EYS: variants seen among roughly 807,000 people sequenced by gnomAD.
EYS encodes EGF-like photoreceptor maintenance factor, also known as protein eyes shut homolog.
Under a neutral mutation model 282.1 loss-of-function variants are expected in EYS, and 250 were observed. That is an observed-to-expected ratio of 0.89 (90% confidence interval 0.80 to 0.98). The LOEUF is 0.98. Ranked by LOEUF, EYS falls within the 50% of genes least tolerant of loss-of-function variation. The pLI, the probability that EYS is intolerant of heterozygous loss-of-function variation, is 0.00. For synonymous variants in EYS, 1,355 were observed against 1,282.9 expected, an observed-to-expected ratio of 1.06 and a Z score of -1.20; for missense variants, 4,016 against 3,709.0, an observed-to-expected ratio of 1.08 and a Z score of -2.15.
At chr6:65,424,982 G>A (rs987427919) in intron 5 of EYS, among the ~76,000 whole-genome samples, 1 of 151,772 alleles carries the variant, frequency 6.6e-6, no homozygotes, top group Non-Finnish European at 1.5e-5. Flanking sequence ...TGTGTCTAAG[G>A]GTGTTATTGC....
At chr6:65,068,205 A>C (rs1020864835) in intron 12 of EYS, among the ~76,000 whole-genome samples, 1 of 152,124 alleles carries the variant, frequency 6.6e-6, no homozygotes. Flanking sequence ...CATCCATGAA[A>C]TCAGTGCATT....
intron 15 of EYS, among the ~76,000 whole-genome samples, chr6:64,943,859 G>A (rs1207988590): frequency 2.6e-5 from 4 of 152,014 alleles, no homozygotes; most frequent in East Asian, 1.9e-4. Context: ...ATACTAAAAT[G>A]TACGTAGAGT....
intron 16 of EYS, among the ~76,000 whole-genome samples, chr6:64,904,153 T>C (rs989103879): frequency 2.6e-5 from 4 of 152,202 alleles, no homozygotes; most frequent in African/African-American, 9.6e-5. Flanking sequence ...AAAGATGGAA[T>C]GATCACACAC....
At chr6:65,108,110 A>G (rs1775098235) in intron 12 of EYS, among the ~76,000 whole-genome samples, 1 of 152,022 alleles carries the variant, frequency 6.6e-6, no homozygotes, top group Non-Finnish European at 1.5e-5. Flanking sequence ...TTCTTTACTG[A>G]ATATATGTAT....
At chr6:64,019,212 C>G (rs1769055748) in intron 33 of EYS, among the ~76,000 whole-genome samples, 1 of 152,118 alleles carries the variant, frequency 6.6e-6, no homozygotes, top group East Asian at 1.9e-4. Context: ...CCTCAGTTGG[C>G]AGACGCTGGA....
At position 64,813,546 on chromosome 6, in the gene EYS, C is replaced by T. The variant is rs1055321734; in HGVS notation, c.3275G>A (p.Gly1092Asp). The change falls in exon 22 of 43, where the codon GGC becomes GAC. Residue 1092 changes from glycine (G) to aspartate (D), a missense_variant. Physicochemically the swap from Gly to Asp is moderately conservative, Grantham distance 94 (BLOSUM62 -1). Coordinates refer to ENST00000503581, the MANE Select transcript of EYS (RefSeq NM_001142800.2). ...TCCATGTGCTGACTTCTGACAGAAG[C>T]CTTCATTCATACAAGGGATTGATGT... is the stretch of plus-strand genomic sequence containing the variant. ...DCTSIPCMNE[G>D]FCQKSAHGFT... The T allele has an allele frequency of 1.3e-5, 20 of 1,549,352 alleles. No individual in the cohort carries two copies. Among genetic ancestry groups the T allele is most frequent in the Non-Finnish European group, 1.7e-5 (20 of 1,145,588 alleles).
At chr6:64,181,162 A>G (rs1169875487) in intron 31 of EYS, among the ~76,000 whole-genome samples, 1 of 152,202 alleles carries the variant, frequency 6.6e-6, no homozygotes. Context: ...ATATAGAGTA[A>G]TGCCTTATAA....
intron 32 of EYS, among the ~76,000 whole-genome samples, chr6:64,074,835 T>C (rs571195251): frequency 3.0e-4 from 45 of 152,042 alleles, no homozygotes; most frequent in African/African-American, 8.9e-4. Context: ...TACATAGATA[T>C]ACATTTCAAA....
chr6:64,720,079 C>G (rs768387888), intron 22 of EYS, among the ~76,000 whole-genome samples: 1 of 152,138 alleles, frequency 6.6e-6, no homozygotes, highest in Non-Finnish European at 1.5e-5. Context: ...AAATGGGTCT[C>G]ACTGGTATAA....
At chr6:65,382,211 G>A (rs1765638044) in intron 8 of EYS, among the ~76,000 whole-genome samples, 1 of 84,048 alleles carries the variant, frequency 1.2e-5, no homozygotes, top group Non-Finnish European at 2.7e-5. Context: ...TCATCCTTTG[G>A]TGTTTTTTTT....
chr6:63,720,725 CTCT>C lies in EYS; in HGVS notation c.9303_9305del (p.Glu3102del). 6.5e-7 allele frequency: 1 copy of C among 1,549,106 alleles called. No homozygotes were observed. On this transcript the variant is annotated inframe_deletion, in exon 43 of 43. Transcript: ENST00000503581. Reference sequence around the variant, plus strand: ...TGCCAACAAAATTGGTTTTAAAAATCTCTTGAGTAACGATATTTACCTTTCTAC... The same window carrying C: ...TGCCAACAAAATTGGTTTTAAAAATCTGAGTAACGATATTTACCTTTCTAC...
At chr6:64,789,066 T>C (rs1774104800) in intron 22 of EYS, among the ~76,000 whole-genome samples, 1 of 152,118 alleles carries the variant, frequency 6.6e-6, no homozygotes, top group Admixed American at 6.6e-5. Flanking sequence ...AGCCCAATAA[T>C]CTCCATTTCC....
At chr6:65,236,302 A>G (rs1766921010) in intron 12 of EYS, among the ~76,000 whole-genome samples, 1 of 152,144 alleles carries the variant, frequency 6.6e-6, no homozygotes, top group Non-Finnish European at 1.5e-5. Flanking sequence ...ACCTAAAATT[A>G]CAAAGTAAAT....
At chr6:65,096,067 C>A (rs1561963667) in intron 12 of EYS, among the ~76,000 whole-genome samples, 1 of 150,918 alleles carries the variant, frequency 6.6e-6, no homozygotes, top group African/African-American at 2.4e-5. Flanking sequence ...CCCCAAAAAT[C>A]TGTGAGAAAT....
chr6:64,111,699 T>C (rs1362607509), intron 31 of EYS, among the ~76,000 whole-genome samples: 1 of 152,068 alleles, frequency 6.6e-6, no homozygotes, highest in Non-Finnish European at 1.5e-5. Context: ...AGTACCAATC[T>C]TCCCAGCTAG....
At chr6:64,029,705 G>A (rs1769725886) in intron 33 of EYS, among the ~76,000 whole-genome samples, 2 of 152,182 alleles carry the variant, frequency 1.3e-5, no homozygotes, top group Admixed American at 6.5e-5. Flanking sequence ...GGATACGAAG[G>A]GCAGGTTATG....
rs78454519 is a variant in EYS at position 65,133,297 on chromosome 6, C to T, written c.2024-75570G>A. Among the ~76,000 whole-genome samples, 28 of 151,824 alleles carry T rather than the reference C, an allele frequency of 1.8e-4. No homozygotes were observed. The East Asian group carries it at 5.1e-3, about 27-fold the overall frequency. On this transcript the variant is annotated intron_variant, in intron 12 of 42. Transcript: ENST00000503581. The stretch of plus-strand genomic sequence containing the variant: ...AAACAAAAACAAAAAAAGCAAACAA[C>T]AACAACAAAAAACACCAAACAAGCA...
chr6:65,069,488 A>G (rs1561950457), intron 12 of EYS, among the ~76,000 whole-genome samples: 2 of 152,036 alleles, frequency 1.3e-5, no homozygotes, highest in East Asian at 3.9e-4. Context: ...TTTGGTCCCC[A>G]TCTTACATAA....
chr6:65,013,948 T>C (rs936687963), intron 13 of EYS, among the ~76,000 whole-genome samples: 7 of 152,156 alleles, frequency 4.6e-5, no homozygotes, highest in Admixed American at 2.6e-4. Context: ...GAAGAAAAGA[T>C]TGTGGATATA....
Sources: gnomAD v4.1 joint callset for allele counts (sites outside exome capture counted in the v4.1 genomes callset) on GRCh38, gnomAD v4.1.1 for gene constraint, MANE v1.5 for transcripts, NCBI Gene and HGNC (gene_info 2026-07-23, HGNC 2026-07-21) for gene names.